EVI5: variants seen among roughly 807,000 people sequenced by gnomAD.
EVI5 encodes the protein ecotropic viral integration site 5 protein homolog.
EVI5 carries 73 observed loss-of-function variants against 112.0 expected under a neutral mutation model. That is an observed-to-expected ratio of 0.65 (90% CI 0.54 to 0.79). The LOEUF (loss-of-function observed/expected upper bound fraction) is 0.79. EVI5 is among the 30% of genes least tolerant of loss of function. EVI5 has a pLI of 0.00. For synonymous variants in EVI5, 305 were observed against 319.9 expected, an observed-to-expected ratio of 0.95 and a Z score of 0.50; for missense variants, 900 against 968.8, an observed-to-expected ratio of 0.93 and a Z score of 0.94.
At chr1:92,685,869 G>T (rs1668435601) in intron 9 of EVI5, among the ~76,000 whole-genome samples, 1 of 152,100 alleles carries the variant, frequency 6.6e-6, no homozygotes, top group Non-Finnish European at 1.5e-5. Context: ...TCCCTGAATA[G>T]ACCAATTAAC....
At chr1:92,690,685 G>A (rs145218651) in intron 9 of EVI5, among the ~76,000 whole-genome samples, 287 of 152,206 alleles carry the variant, frequency 1.9e-3, no homozygotes, top group African/African-American at 6.5e-3. Flanking sequence ...GAGCCAAGAG[G>A]TGGAAGGTCA....
At chr1:92,540,798 G>C (rs1664663113) in intron 19 of EVI5, among the ~76,000 whole-genome samples, 1 of 152,106 alleles carries the variant, frequency 6.6e-6, no homozygotes, top group African/African-American at 2.4e-5. Context: ...GCTTGGCCAG[G>C]CACAGTGGCT....
chr1:92,598,674 T>C (rs1380403300), intron 18 of EVI5, among the ~76,000 whole-genome samples: 1 of 152,260 alleles, frequency 6.6e-6, no homozygotes, highest in East Asian at 1.9e-4. Flanking sequence ...ACAGGTTGTA[T>C]AATCTGTTCC....
chr1:92,595,653 G>A (rs1257939488), intron 18 of EVI5, among the ~76,000 whole-genome samples: 1 of 152,186 alleles, frequency 6.6e-6, no homozygotes, highest in Admixed American at 6.5e-5. Context: ...TGACAGATTT[G>A]AAGGATTCTT....
At chr1:92,714,111 T>C in intron 2 of EVI5, 4 of 981,214 alleles carry the variant, frequency 4.1e-6, no homozygotes, top group Non-Finnish European at 4.8e-6. Context: ...AAGCTATCAA[T>C]TATTAACTTT....
intron 18 of EVI5, among the ~76,000 whole-genome samples, chr1:92,565,635 T>C (rs1012910170): frequency 6.6e-6 from 1 of 152,076 alleles, no homozygotes; most frequent in African/African-American, 2.4e-5. Context: ...TCCTACATAC[T>C]GTATACTAAC....
At chr1:92,653,437 T>C (rs780669931) in intron 13 of EVI5, among the ~76,000 whole-genome samples, 1 of 152,228 alleles carries the variant, frequency 6.6e-6, no homozygotes, top group African/African-American at 2.4e-5. Context: ...CCAGCAAAGA[T>C]GTGGGCACTG....
At chr1:92,517,758 G>A (rs1404160946) in intron 19 of EVI5, among the ~76,000 whole-genome samples, 1 of 152,226 alleles carries the variant, frequency 6.6e-6, no homozygotes, top group East Asian at 1.9e-4. Flanking sequence ...TCAGAATAGG[G>A]ACCACTACTC....
chr1:92,605,032 T>C (rs1447843316), intron 18 of EVI5, among the ~76,000 whole-genome samples: 1 of 152,198 alleles, frequency 6.6e-6, no homozygotes, highest in Non-Finnish European at 1.5e-5. Context: ...TAGTGTTTAA[T>C]GGGCAAAGAG....
chr1:92,771,517 T>C (rs1262406658), intron 1 of EVI5, among the ~76,000 whole-genome samples: 1 of 152,068 alleles, frequency 6.6e-6, no homozygotes, highest in Non-Finnish European at 1.5e-5. Context: ...ATATCAAGTC[T>C]AAGGATTCCA....
intron 14 of EVI5, 67 bp downstream of exon 14, chr1:92,636,135 A>C: frequency 2.3e-6 from 3 of 1,288,072 alleles, no homozygotes; most frequent in Non-Finnish European, 3.3e-6. Context: ...ATTGCTCAGT[A>C]AGTACTTAAT....
intron 19 of EVI5, among the ~76,000 whole-genome samples, chr1:92,540,771 T>C (rs1664657474): frequency 6.6e-6 from 1 of 152,102 alleles, no homozygotes; most frequent in African/African-American, 2.4e-5. Context: ...TCATTTCCTT[T>C]TCCTATAAAA....
chr1:92,598,572 A>G (rs969674481), intron 18 of EVI5, among the ~76,000 whole-genome samples: 1 of 152,196 alleles, frequency 6.6e-6, no homozygotes, highest in African/African-American at 2.4e-5. Context: ...AATTCATGGT[A>G]ACTCAGAATT....
In EVI5 at chr1:92,636,275, T is replaced by C. The variant is rs1420614407; in HGVS notation, c.1454A>G (p.Gln485Arg). ...AGACTCAGCTTCACTCAGTCGGGCT[T>C]GGACCAATTCCTTCTCTAGCTGTAG... ...FVLQLEKELVQARLSEAESQC... is the reference protein window; with the variant it reads ...FVLQLEKELVRARLSEAESQC... Residue 485 changes from glutamine (Q) to arginine (R), a missense_variant, in exon 14 of 20, where the codon CAA (glutamine) becomes CGA (arginine). Physicochemically the swap from Gln to Arg is conservative, Grantham distance 43. Coordinates refer to ENST00000684568, the MANE Select transcript of EVI5 (RefSeq NM_001350197.2). 5.0e-6 allele frequency: 8 copies of C among 1,613,868 alleles called. No homozygotes were observed. In the East Asian group the frequency reaches 1.6e-4, roughly 31 times the overall value.
intron 18 of EVI5, among the ~76,000 whole-genome samples, chr1:92,592,872 C>T (rs143813872): frequency 2.6e-5 from 4 of 152,000 alleles, no homozygotes; most frequent in Non-Finnish European, 5.9e-5. Context: ...TAAACCAGGA[C>T]GAAGTTGAAT....
At chr1:92,590,656 C>T (rs940129645) in intron 18 of EVI5, among the ~76,000 whole-genome samples, 3 of 152,106 alleles carry the variant, frequency 2.0e-5, no homozygotes, top group East Asian at 1.9e-4. Context: ...CTGAAAGTGA[C>T]GGGGAGAATG....
intron 1 of EVI5, chr1:92,784,625 A>C (rs1685365613): frequency 3.3e-6 from 1 of 300,786 alleles, no homozygotes; most frequent in Non-Finnish European, 4.9e-6. Flanking sequence ...CACGAGAAGG[A>C]GGGCTGCGGG....
intron 14 of EVI5, among the ~76,000 whole-genome samples, chr1:92,634,680 G>A (rs1391100780): frequency 6.6e-6 from 1 of 152,152 alleles, no homozygotes; most frequent in East Asian, 1.9e-4. Flanking sequence ...CTCTCAACTC[G>A]TCAAAGTCAT....
At chr1:92,529,720 T>A (rs754107715) in intron 19 of EVI5, among the ~76,000 whole-genome samples, 4 of 152,110 alleles carry the variant, frequency 2.6e-5, no homozygotes, top group Non-Finnish European at 5.9e-5. Flanking sequence ...AATAACAAAA[T>A]AAAAACAAAC....
Sources: allele counts gnomAD v4.1 joint callset (sites outside exome capture counted in the v4.1 genomes callset), GRCh38; gene constraint gnomAD v4.1.1; transcripts MANE v1.5; gene names NCBI Gene and HGNC (gene_info 2026-07-23, HGNC 2026-07-21).